Variants in SUPT3H observed in about 807,000 individuals in gnomAD.
The protein encoded by SUPT3H is transcription initiation protein SPT3 homolog.
SUPT3H carries 44 observed loss-of-function variants against 44.3 expected under a neutral mutation model. The ratio of observed to expected loss-of-function variants is 0.99; its 90% CI spans 0.78 to 1.28. The LOEUF is 1.28. SUPT3H is among the 50% of genes most tolerant of loss of function. The pLI is 0.00. For synonymous variants in SUPT3H, 124 were observed against 125.6 expected (o/e 0.99, Z 0.09); for missense variants, 380 against 387.1 (o/e 0.98, Z 0.15).
chr6:44,838,010 ATAGCTGT>A (rs1770232169), intron 10 of SUPT3H, among the ~76,000 whole-genome samples: 1 of 152,236 alleles, frequency 6.6e-6, no homozygotes, highest in African/African-American at 2.4e-5. Flanking sequence ...ACAGATAGCA[ATAGCTGT>A]TTGCCAATGG....
intron 2 of SUPT3H, among the ~76,000 whole-genome samples, chr6:45,230,039 A>G (rs1767660722): frequency 6.6e-6 from 1 of 152,056 alleles, no homozygotes; most frequent in Non-Finnish European, 1.5e-5. Flanking sequence ...CATGTCCATT[A>G]GATCTAGTGT....
At chr6:45,316,124 T>C (rs770379655) in intron 2 of SUPT3H, among the ~76,000 whole-genome samples, 8 of 152,246 alleles carry the variant, frequency 5.3e-5, no homozygotes, top group Middle Eastern at 3.4e-3. Flanking sequence ...AACTAAGCTA[T>C]GAGGACACAA....
intron 2 of SUPT3H, among the ~76,000 whole-genome samples, chr6:45,299,608 CAATTCA>C (rs1303234813): frequency 1.3e-5 from 2 of 151,600 alleles, no homozygotes; most frequent in African/African-American, 4.8e-5. Flanking sequence ...ATTTTTTAGT[CAATTCA>C]GAAAACAAAT....
chr6:44,849,954 G>C (rs1208050850), intron 10 of SUPT3H, among the ~76,000 whole-genome samples: 1 of 152,170 alleles, frequency 6.6e-6, no homozygotes, highest in Admixed American at 6.5e-5. Flanking sequence ...AATGCCCCCA[G>C]GACACCTGGC....
In SUPT3H at chr6:44,827,929, C is replaced by A. The variant is rs1334960956; in HGVS notation, c.*1887G>T. Among the ~76,000 whole-genome samples the A allele has an allele frequency of 1.3e-5, 2 of 151,960 alleles. No individual in the cohort carries two copies. Among genetic ancestry groups the A allele is most frequent in the African/African-American group, 4.8e-5 (2 of 41,382 alleles). ...TCAAGATAGACAAACATATGCCAGA[C>A]CAACAAAAACACAGACCTGTCATAT... On this transcript the variant is annotated 3_prime_UTR_variant, in exon 11 of 11. Transcript: ENST00000371459.
At chr6:45,146,080 T>C (rs1806018780) in intron 2 of SUPT3H, among the ~76,000 whole-genome samples, 1 of 152,092 alleles carries the variant, frequency 6.6e-6, no homozygotes, top group Non-Finnish European at 1.5e-5. Context: ...GAACATAAAC[T>C]AGTACAACCA....
chr6:45,043,146 C>CACACACACACAT (rs1788825778), intron 3 of SUPT3H, among the ~76,000 whole-genome samples: 1 of 147,910 alleles, frequency 6.8e-6, no homozygotes, highest in African/African-American at 2.6e-5. Context: ...CACACATACA[C>CACACACACACAT]ACACACACAC....
rs571860812 is a variant in SUPT3H, at chr6:45,176,442, T to A, written c.102-70436A>T. On this transcript the variant is annotated intron_variant, in intron 2 of 10. Transcript: ENST00000371459. ...GGGTCCTACGCCCACGGAGTCTCCCTGATTGCTAGCACAGCAGTCTGAGAT... is the reference window on the plus strand; with the variant it reads ...GGGTCCTACGCCCACGGAGTCTCCCAGATTGCTAGCACAGCAGTCTGAGAT... 5.6e-4 allele frequency among the ~76,000 whole-genome samples: 85 copies of A among 152,256 alleles called. No individual in the cohort carries two copies. The Middle Eastern group carries it at 0.01, about 18-fold the overall frequency.
chr6:44,824,739 C>T (rs1286881579), downstream of SUPT3H, among the ~76,000 whole-genome samples: 1 of 152,256 alleles, frequency 6.6e-6, no homozygotes, highest in East Asian at 1.9e-4. Context: ...ACCTGACTCT[C>T]TCTCTCTGTA....
chr6:44,871,239 A>G (rs1776410733), intron 10 of SUPT3H, among the ~76,000 whole-genome samples: 1 of 115,392 alleles, frequency 8.7e-6, no homozygotes, highest in African/African-American at 3.3e-5. Context: ...TGCAGACTTA[A>G]GTGTCCCTGT....
Position 45,081,977 on chromosome 6 carries a change from G to A in SUPT3H, c.186+23945C>T, listed in dbSNP as rs556013567. 2.0e-4 allele frequency among the ~76,000 whole-genome samples: 31 copies of A among 152,082 alleles called. No homozygotes were observed. The South Asian group carries it at 3.5e-3, about 17-fold the overall frequency. ...AAATAAAATAAGCAATTTAAATAAA[G>A]CCAATCAACTTGCAAATAAAGAAAG... On this transcript the variant is annotated intron_variant, in intron 3 of 10. Transcript: ENST00000371459.
intron 9 of SUPT3H, among the ~76,000 whole-genome samples, chr6:44,936,366 T>C (rs934759236): frequency 2.6e-5 from 4 of 152,348 alleles, no homozygotes; most frequent in Admixed American, 6.5e-5. Context: ...TGTATAAATG[T>C]ATGCAGTACA....
chr6:45,279,391 G>A (rs1777560083), intron 2 of SUPT3H, among the ~76,000 whole-genome samples: 1 of 152,156 alleles, frequency 6.6e-6, no homozygotes. Context: ...GACTCATGTT[G>A]ATATGCTATC....
chr6:44,931,018 T>C (rs1450667562), intron 10 of SUPT3H, among the ~76,000 whole-genome samples: 1 of 152,190 alleles, frequency 6.6e-6, no homozygotes, highest in African/African-American at 2.4e-5. Flanking sequence ...TGTATGTAAA[T>C]AGTGTCATCA....
rs1349632782 is a variant in SUPT3H, at chr6:44,948,170, G to A, written c.801+5140C>T. 2.0e-5 allele frequency among the ~76,000 whole-genome samples: 3 copies of A among 152,058 alleles called. No homozygotes were observed. In the South Asian group the frequency reaches 6.2e-4, roughly 32 times the overall value. ...TTCCATTGGTGTATATCTCTGTTTTGGTACCAGTACCATTCTGTTTTGGTT... is the reference window on the plus strand; with the variant it reads ...TTCCATTGGTGTATATCTCTGTTTTAGTACCAGTACCATTCTGTTTTGGTT... On this transcript the variant is annotated intron_variant, in intron 9 of 10. Transcript: ENST00000371459.
chr6:45,101,950 A>G lies in SUPT3H; in HGVS notation c.186+3972T>C, dbSNP rs141657704. 4.8e-3 allele frequency among the ~76,000 whole-genome samples: 733 copies of G among 152,322 alleles called. 5 individuals carry two copies. Among genetic ancestry groups the G allele is most frequent in the African/African-American group, 0.017 (700 of 41,574 alleles). On this transcript the variant is annotated intron_variant, in intron 3 of 10. Coordinates refer to ENST00000371459, the MANE Select transcript of SUPT3H (RefSeq NM_003599.4). ...AAGAGAAGTCTTTTCCTTCTTTGAC[A>G]AACAATGGGGACCTCATAGTGGCAG...
chr6:44,849,220 C>T (rs931673190), intron 10 of SUPT3H, among the ~76,000 whole-genome samples: 2 of 96,636 alleles, frequency 2.1e-5, no homozygotes, highest in South Asian at 3.3e-4. Context: ...CAAATGAATA[C>T]TTTTTTTTTT....
intron 2 of SUPT3H, among the ~76,000 whole-genome samples, chr6:45,285,106 G>C (rs1778984391): frequency 6.6e-6 from 1 of 151,594 alleles, no homozygotes; most frequent in Admixed American, 6.6e-5. Flanking sequence ...AATAATAAGA[G>C]CTATCTATGA....
At chr6:45,017,834 G>T (rs9381358) in intron 4 of SUPT3H, among the ~76,000 whole-genome samples, 131,890 of 136,966 alleles carry the variant, frequency 0.96, 63,572 homozygotes, top group East Asian at 1. Flanking sequence ...TGTGGGCTCT[G>T]TTTTGGTTCC....
Sources: allele counts gnomAD v4.1 joint callset (sites outside exome capture counted in the v4.1 genomes callset), GRCh38; gene constraint gnomAD v4.1.1; transcripts MANE v1.5; gene names NCBI Gene and HGNC (gene_info 2026-07-23, HGNC 2026-07-21).